PAX7: variants seen among roughly 807,000 people sequenced by gnomAD.
PAX7 encodes the protein paired box 7.
A neutral mutation model predicts 50.7 loss-of-function variants in PAX7; 18 were observed. The observed-to-expected ratio is 0.36, with a 90% confidence interval of 0.25 to 0.53. PAX7 has a LOEUF of 0.53. Ranked by LOEUF, PAX7 falls within the 20% of genes least tolerant of loss-of-function variation. PAX7 has a pLI of 0.93. For synonymous variants in PAX7, 310 were observed against 290.4 expected (o/e 1.07, Z -0.69); for missense variants, 644 against 702.9 (o/e 0.92, Z 0.95).
intron 7 of PAX7, among the ~76,000 whole-genome samples, chr1:18,706,563 GCAATTCTCCTGTCTTCGCCTC>G (rs1435029476): frequency 1.3e-5 from 2 of 149,680 alleles, no homozygotes; most frequent in Non-Finnish European, 2.9e-5. Context: ...CTGGGTTCAA[GCAATTCTCCTGTCTTCGCCTC>G]CAATTCTCCT....
chr1:18,741,612 A>T (rs1020853819), intron 8 of PAX7, among the ~76,000 whole-genome samples: 1 of 152,244 alleles, frequency 6.6e-6, no homozygotes, highest in African/African-American at 2.4e-5. Context: ...TCAATTGTTT[A>T]AAAAGACAGA....
At chr1:18,650,039 A>C (rs9439715) in intron 4 of PAX7, among the ~76,000 whole-genome samples, 78,663 of 152,044 alleles carry the variant, frequency 0.52, 20,895 homozygotes, top group Middle Eastern at 0.6. Flanking sequence ...CAGTGAAAAA[A>C]CAGCCTGTTT....
chr1:18,727,510 CGA>C (rs1290778707), intron 7 of PAX7, among the ~76,000 whole-genome samples: 1 of 152,046 alleles, frequency 6.6e-6, no homozygotes, highest in African/African-American at 2.4e-5. Context: ...GACCAGAAGT[CGA>C]GAGTCAAGGG....
At position 18,748,474 on chromosome 1, in the gene PAX7, G is replaced by A. The variant is rs529075937; in HGVS notation, c.*3545G>A. ...AAGACCAAATGGGGGTTCTCTAGCC[G>A]CCAACTTGAAACGCTCTGAGACTTC... On this transcript the variant is annotated 3_prime_UTR_variant, in exon 9 of 9. Coordinates refer to ENST00000420770, the MANE Select transcript of PAX7 (RefSeq NM_001135254.2). The A allele has an allele frequency of 1.3e-4, 29 of 231,632 alleles. No individual in the cohort carries two copies. In the East Asian group the frequency reaches 1.3e-3, roughly 11 times the overall value. 14.3% of individuals were successfully genotyped at this position (231,632 alleles called of 1,614,324 possible).
chr1:18,714,467 A>G (rs1053713219), intron 7 of PAX7, among the ~76,000 whole-genome samples: 4 of 152,176 alleles, frequency 2.6e-5, no homozygotes, highest in African/African-American at 9.7e-5. Flanking sequence ...CTCGCCCTGA[A>G]CAGAAATTGA....
chr1:18,677,205 G>A (rs1244428644), intron 4 of PAX7, among the ~76,000 whole-genome samples: 1 of 152,222 alleles, frequency 6.6e-6, no homozygotes, highest in Non-Finnish European at 1.5e-5. Flanking sequence ...TGTCTCCAGA[G>A]GGTGAAGTCT....
chr1:18,732,988 T>C (rs1173918821), intron 7 of PAX7, among the ~76,000 whole-genome samples: 1 of 152,124 alleles, frequency 6.6e-6, no homozygotes, highest in Non-Finnish European at 1.5e-5. Flanking sequence ...GAGTGTTTTT[T>C]CTGAGCCTCT....
At chr1:18,653,389 G>A (rs1434408373) in intron 4 of PAX7, among the ~76,000 whole-genome samples, 3 of 152,078 alleles carry the variant, frequency 2.0e-5, no homozygotes, top group South Asian at 2.1e-4. Flanking sequence ...TGCTGTGTAC[G>A]CACGGTTACA....
At chr1:18,708,071 C>T (rs1397121701) in intron 7 of PAX7, among the ~76,000 whole-genome samples, 1 of 152,156 alleles carries the variant, frequency 6.6e-6, no homozygotes, top group East Asian at 1.9e-4. Context: ...AGGCACTCAG[C>T]ACATGCATGT....
At chr1:18,694,461 AAAATAAATAAATAAAT>A (rs61364336) in intron 5 of PAX7, among the ~76,000 whole-genome samples, 31,742 of 139,598 alleles carry the variant, frequency 0.23, 3,773 homozygotes, top group East Asian at 0.39. Flanking sequence ...CTCTGTCTCG[AAAATAAATAAATAAAT>A]AAATAAATAA....
intron 7 of PAX7, among the ~76,000 whole-genome samples, chr1:18,732,798 C>G (rs577536138): frequency 1.3e-5 from 2 of 152,210 alleles, no homozygotes; most frequent in African/African-American, 4.8e-5. Flanking sequence ...CTCAAAACAT[C>G]CTCGTCCTCT....
At chr1:18,728,677 A>T (rs1317588722) in intron 7 of PAX7, among the ~76,000 whole-genome samples, 1 of 148,760 alleles carries the variant, frequency 6.7e-6, no homozygotes, top group Non-Finnish European at 1.5e-5. Flanking sequence ...CGTGACCAAC[A>T]TAGAGAAACC....
intron 5 of PAX7, among the ~76,000 whole-genome samples, chr1:18,692,860 G>T (rs1157497327): frequency 6.6e-6 from 1 of 152,164 alleles, no homozygotes; most frequent in Non-Finnish European, 1.5e-5. Context: ...GCCTCCCAAT[G>T]GCTCGAGGAC....
rs1340487245 is a variant in PAX7 at position 18,700,081 on chromosome 1, T to C, written c.787-572T>C. On this transcript the variant is annotated intron_variant, in intron 5 of 8. Coordinates refer to ENST00000420770, the MANE Select transcript of PAX7 (RefSeq NM_001135254.2). The surrounding 1 kb of genome is among the most constrained non-coding windows in gnomAD (Gnocchi z 4.8). The stretch of plus-strand genomic sequence containing the variant: ...CCCACTAATGTTTGATAAATCCGTG[T>C]GTGTGTGTGTGTGTGTGTGTGTGTG... Among the ~76,000 whole-genome samples the C allele has an allele frequency of 1.5e-5, 1 of 68,026 alleles. No individual in the cohort carries two copies. The highest frequency in any genetic ancestry group is 5.3e-4 in the South Asian group (1 of 1,874). 44.6% of individuals were successfully genotyped at this position (68,026 alleles called of 152,430 possible).
intron 4 of PAX7, among the ~76,000 whole-genome samples, chr1:18,644,140 C>A (rs1361424584): frequency 6.6e-6 from 1 of 152,252 alleles, no homozygotes; most frequent in Non-Finnish European, 1.5e-5. Flanking sequence ...GGGGAGGCAA[C>A]CCAGGGCGAG....
In PAX7 at chr1:18,652,453, T is replaced by C. The variant is rs1359720331; in HGVS notation, c.586+16082T>C. 2.0e-5 allele frequency among the ~76,000 whole-genome samples: 3 copies of C among 152,134 alleles called. No homozygotes were observed. In the East Asian group the frequency reaches 5.8e-4, roughly 29 times the overall value. On this transcript the variant is annotated intron_variant, in intron 4 of 8. Coordinates refer to ENST00000420770, the MANE Select transcript of PAX7 (RefSeq NM_001135254.2). ...AGGCTTTCAGAAGGTAGATAAGGGC[T>C]TGACAAATATAAAGCAGAATTGTGA... is the stretch of plus-strand genomic sequence containing the variant.
At position 18,636,331 on chromosome 1, in the gene PAX7, G is replaced by C; in HGVS notation, c.546G>C (p.Lys182Asn). The C allele has an allele frequency of 1.2e-6, 2 of 1,614,260 alleles. No homozygotes were observed. The highest frequency in any genetic ancestry group is 1.7e-6 in the Non-Finnish European group (2 of 1,180,032). Residue 182 changes from lysine to asparagine, a missense_variant, in exon 4 of 9, where the codon AAG becomes AAC. Lys to Asn is a moderately conservative substitution (Grantham distance 94, BLOSUM62 0). Coordinates refer to ENST00000420770, the MANE Select transcript of PAX7 (RefSeq NM_001135254.2). The surrounding 1 kb of genome is among the most constrained non-coding windows in gnomAD (Gnocchi z 5.1). ...ACAAGAAGGAGGACGACGGCGAAAA[G>C]AAGGCCAAACACAGCATCGACGGCA... The part of the protein sequence containing the change: ...EADKKEDDGE[K>N]KAKHSIDGIL...
intron 7 of PAX7, among the ~76,000 whole-genome samples, chr1:18,714,858 C>T (rs906497205): frequency 1.3e-5 from 2 of 152,180 alleles, no homozygotes; most frequent in Admixed American, 1.3e-4. Context: ...GGAAAGAATG[C>T]AAATAGTGGA....
At chr1:18,639,523 A>C (rs1272136361) in intron 4 of PAX7, among the ~76,000 whole-genome samples, 1 of 152,088 alleles carries the variant, frequency 6.6e-6, no homozygotes, top group African/African-American at 2.4e-5. Flanking sequence ...GGAAGTGGAC[A>C]GTTCCTTGCC....
Sources: allele counts gnomAD v4.1 joint callset (sites outside exome capture counted in the v4.1 genomes callset), GRCh38; gene constraint gnomAD v4.1.1; non-coding constraint Gnocchi (gnomAD v3.1); transcripts MANE v1.5; gene names NCBI Gene and HGNC (gene_info 2026-07-23, HGNC 2026-07-21).